Variants in GRID2 observed in about 807,000 individuals in gnomAD.
GRID2 encodes the protein glutamate receptor ionotropic, delta-2.
In GRID2, 33 loss-of-function variants were observed where a neutral mutation model predicts 114.8. That is an observed-to-expected ratio of 0.29 (90% CI 0.22 to 0.38). The LOEUF (loss-of-function observed/expected upper bound fraction) is 0.38, where lower values mean the gene tolerates loss of function less well. Ranked by LOEUF, GRID2 falls within the 10% of genes least tolerant of loss-of-function variation. The pLI, the probability that GRID2 is intolerant of heterozygous loss-of-function variation, is 1.00. For synonymous variants in GRID2, 505 were observed against 449.9 expected (o/e 1.12, Z -1.55); for missense variants, 1,184 against 1,257.7 (o/e 0.94, Z 0.89).
intron 13 of GRID2, among the ~76,000 whole-genome samples, chr4:93,551,859 G>A (rs1379413514): frequency 2.0e-5 from 3 of 152,142 alleles, no homozygotes; most frequent in Admixed American, 6.6e-5. Context: ...GCCCTTGTCA[G>A]CTGAAATATT....
At chr4:92,580,010 A>G (rs1728100596) in intron 1 of GRID2, among the ~76,000 whole-genome samples, 1 of 147,834 alleles carries the variant, frequency 6.8e-6, no homozygotes, top group Non-Finnish European at 1.5e-5. Context: ...TATTTTATAT[A>G]TAGTATAATG....
Position 92,590,136 on chromosome 4 carries a change from A to G in GRID2, c.94A>G (p.Ile32Val). The stretch of plus-strand genomic sequence containing the variant: ...CAAAATTCACTTCTTTCTAGGAGCA[A>G]TTTTTGATGAATCTGCCAAAAAGGA... ...NADSIIHIGA[I>V]FDESAKKDDE... Residue 32 changes from isoleucine to valine, a missense_variant, in exon 2 of 16, where the codon ATT becomes GTT. This residue lies in a region of GRID2 where 455 missense variants were observed against 429.5 expected (regional missense o/e 1.06). Transcript: ENST00000282020. 6.2e-7 allele frequency: 1 copy of G among 1,609,634 alleles called. No homozygotes were observed.
At chr4:93,778,330 T>C (rs1734410596), downstream of GRID2, among the ~76,000 whole-genome samples, 1 of 148,738 alleles carries the variant, frequency 6.7e-6, no homozygotes, top group African/African-American at 2.5e-5. Flanking sequence ...TTGCTAGAAA[T>C]AAAAGCACAC....
intron 2 of GRID2, among the ~76,000 whole-genome samples, chr4:92,639,590 A>G (rs1731244875): frequency 6.6e-6 from 1 of 151,768 alleles, no homozygotes; most frequent in African/African-American, 2.4e-5. Context: ...CAAAGTGGAG[A>G]TAATCACATA....
At chr4:93,293,872 G>A (rs1754007715) in intron 8 of GRID2, among the ~76,000 whole-genome samples, 1 of 152,110 alleles carries the variant, frequency 6.6e-6, no homozygotes, top group Non-Finnish European at 1.5e-5. Context: ...AAATGATATG[G>A]CAGTGAACAA....
intron 1 of GRID2, among the ~76,000 whole-genome samples, chr4:92,328,371 C>A (rs1726703226): frequency 6.6e-6 from 1 of 152,038 alleles, no homozygotes; most frequent in Non-Finnish European, 1.5e-5. Context: ...CTTTGAAGTT[C>A]AGCCAGAGTG....
chr4:93,630,169 T>C (rs1003469319), intron 14 of GRID2, among the ~76,000 whole-genome samples: 1 of 152,170 alleles, frequency 6.6e-6, no homozygotes, highest in Admixed American at 6.5e-5. Flanking sequence ...CTAGATAACT[T>C]GGCAGCAGAA....
chr4:93,310,196 A>C (rs1011234338), intron 8 of GRID2, among the ~76,000 whole-genome samples: 2 of 152,170 alleles, frequency 1.3e-5, no homozygotes, highest in African/African-American at 4.8e-5. Context: ...TTTGGTTTCC[A>C]AAGTCAAATG....
intron 2 of GRID2, among the ~76,000 whole-genome samples, chr4:92,965,465 A>T (rs1753086273): frequency 2.6e-5 from 1 of 37,992 alleles, no homozygotes; most frequent in African/African-American, 1.0e-4. Context: ...AAAAAAAAAA[A>T]AAAAAAAAAA....
At chr4:92,326,628 A>T (rs1726612365) in intron 1 of GRID2, among the ~76,000 whole-genome samples, 1 of 152,002 alleles carries the variant, frequency 6.6e-6, no homozygotes, top group Non-Finnish European at 1.5e-5. Flanking sequence ...AAATAATCAG[A>T]GTAACATTTA....
chr4:93,593,824 C>T (rs1275763495), intron 13 of GRID2, among the ~76,000 whole-genome samples: 1 of 152,068 alleles, frequency 6.6e-6, no homozygotes, highest in Non-Finnish European at 1.5e-5. Context: ...ATTGCTGATA[C>T]CCTTTCTTCC....
chr4:93,581,326 A>C (rs1736965544), intron 13 of GRID2, among the ~76,000 whole-genome samples: 2 of 152,180 alleles, frequency 1.3e-5, no homozygotes, highest in African/African-American at 2.4e-5. Flanking sequence ...TTATCCAAAA[A>C]TCAAAGTGAA....
intron 13 of GRID2, among the ~76,000 whole-genome samples, chr4:93,551,969 T>C (rs1733794794): frequency 6.6e-6 from 1 of 152,062 alleles, no homozygotes; most frequent in Non-Finnish European, 1.5e-5. Context: ...CATGTTGGTG[T>C]GCTGCACCCA....
chr4:92,914,704 G>A lies in GRID2; in HGVS notation c.245-170291G>A, dbSNP rs570533912. Among the ~76,000 whole-genome samples, 3 of 152,180 alleles carry A rather than the reference G, an allele frequency of 2.0e-5. No individual in the cohort carries two copies. The East Asian group carries it at 5.8e-4, about 29-fold the overall frequency. Reference sequence around the variant, plus strand: ...TCTGTTCCTATATTAGTTTGCTAAGGATAATTGCCTCCAGCTTATCCATGT... The same window carrying A: ...TCTGTTCCTATATTAGTTTGCTAAGAATAATTGCCTCCAGCTTATCCATGT... On this transcript the variant is annotated intron_variant, in intron 2 of 15. Transcript: ENST00000282020.
chr4:93,647,612 T>C (rs1162574749), intron 14 of GRID2, among the ~76,000 whole-genome samples: 2 of 152,154 alleles, frequency 1.3e-5, no homozygotes, highest in Non-Finnish European at 2.9e-5. Context: ...TCATCTTAGG[T>C]CATATGTTTA....
chr4:93,235,717 T>C (rs1252462881), intron 7 of GRID2, among the ~76,000 whole-genome samples: 2 of 151,982 alleles, frequency 1.3e-5, no homozygotes, highest in East Asian at 1.9e-4. Flanking sequence ...AGTCATAAAG[T>C]TGAGCAAGGT....
At chr4:93,235,117 T>A (rs1203881583) in intron 7 of GRID2, among the ~76,000 whole-genome samples, 1 of 152,108 alleles carries the variant, frequency 6.6e-6, no homozygotes, top group Admixed American at 6.6e-5. Flanking sequence ...AGAAACTCAT[T>A]ATCCAGTGGT....
intron 14 of GRID2, among the ~76,000 whole-genome samples, chr4:93,751,972 C>G (rs1560973669): frequency 7.0e-6 from 1 of 143,146 alleles, no homozygotes; most frequent in African/African-American, 2.6e-5. Context: ...CCTGAACATT[C>G]TTTTTTTTTT....
intron 8 of GRID2, among the ~76,000 whole-genome samples, chr4:93,378,337 G>T (rs1006481381): frequency 2.0e-5 from 3 of 151,962 alleles, no homozygotes; most frequent in Admixed American, 1.3e-4. Context: ...TACACAGAAA[G>T]GTCTATTATA....
Sources: gnomAD v4.1 joint callset for allele counts (sites outside exome capture counted in the v4.1 genomes callset) on GRCh38, gnomAD v4.1.1 for gene constraint, gnomAD v4.1.1 regional missense constraint, MANE v1.5 for transcripts, NCBI Gene and HGNC (gene_info 2026-07-23, HGNC 2026-07-21) for gene names.